The following ETV1 variants were observed in gnomAD, a reference collection of about 807,000 sequenced individuals.
ETV1 encodes the protein ETS translocation variant 1.
Under a neutral mutation model 62.3 loss-of-function variants are expected in ETV1, and 27 were observed. The ratio of observed to expected loss-of-function variants is 0.43; its 90% CI spans 0.32 to 0.60. The LOEUF is 0.60. Among genes scored for constraint, ETV1 ranks in the 20% least tolerant of loss-of-function variants. The probability of loss-of-function intolerance (pLI) is 0.06; values close to 1 mark genes in which losing one functional copy is unlikely to be tolerated. For synonymous variants in ETV1, 222 were observed against 199.6 expected (o/e 1.11, Z -0.94); for missense variants, 605 against 605.8 (o/e 1.00, Z 0.01).
At chr7:13,943,365 T>G (rs1175495321) in intron 6 of ETV1, among the ~76,000 whole-genome samples, 1 of 152,192 alleles carries the variant, frequency 6.6e-6, no homozygotes, top group African/African-American at 2.4e-5. Flanking sequence ...AGATAGACAT[T>G]ATGAAGTTTT....
chr7:13,907,802 G>A (rs1783128071), intron 11 of ETV1: 1 of 470,172 alleles, frequency 2.1e-6, no homozygotes, highest in Admixed American at 2.4e-5. Flanking sequence ...CCTATGGTCA[G>A]TAGAGAGACA....
In ETV1 at chr7:13,984,929, T is replaced by TAAAAAAAA. The variant is rs67286902; in HGVS notation, c.181+1701_181+1708dup. Reference sequence around the variant, plus strand: ...GACACAAAACAAGTAAGTCAAAAGTTAAAAAAAAAGTACTGAAACTGATTA... The same window carrying TAAAAAAAA: ...GACACAAAACAAGTAAGTCAAAAGTTAAAAAAAAAAAAAAAAAGTACTGAAACTGATTA... On this transcript the variant is annotated intron_variant, in intron 5 of 13. Transcript: ENST00000430479. 4.9e-3 allele frequency among the ~76,000 whole-genome samples: 737 copies of TAAAAAAAA among 148,976 alleles called. 9 individuals are homozygous for TAAAAAAAA. Among genetic ancestry groups the TAAAAAAAA allele is most frequent in the African/African-American group, 0.018 (718 of 40,626 alleles).
chr7:13,933,093 T>C (rs1441152863), intron 8 of ETV1, among the ~76,000 whole-genome samples: 1 of 152,192 alleles, frequency 6.6e-6, no homozygotes, highest in East Asian at 1.9e-4. Flanking sequence ...GAAACAGAAA[T>C]TATCATTAAG....
intron 6 of ETV1, among the ~76,000 whole-genome samples, chr7:13,948,459 C>A (rs760868224): frequency 6.6e-6 from 1 of 152,112 alleles, no homozygotes; most frequent in Non-Finnish European, 1.5e-5. Context: ...TTTGAGGTTG[C>A]GTTTTCTGGT....
intron 6 of ETV1, among the ~76,000 whole-genome samples, chr7:13,972,978 T>G (rs552694436): frequency 3.9e-5 from 6 of 152,324 alleles, no homozygotes; most frequent in Non-Finnish European, 8.8e-5. Flanking sequence ...TAGCAATCTA[T>G]AATATACCAT....
intron 6 of ETV1, chr7:13,958,777 T>A (rs1316041163): frequency 6.6e-6 from 1 of 152,194 alleles, no homozygotes; most frequent in Non-Finnish European, 1.5e-5. Flanking sequence ...AAGAAAGAGA[T>A]AATAGTTTCT....
intron 9 of ETV1, among the ~76,000 whole-genome samples, chr7:13,917,856 C>T (rs1385554431): frequency 2.6e-5 from 4 of 151,600 alleles, no homozygotes; most frequent in African/African-American, 4.8e-5. Context: ...CCCAGCTACT[C>T]GGGAGGCTGA....
chr7:13,978,955 G>A (rs1017680764), intron 5 of ETV1, among the ~76,000 whole-genome samples: 7 of 151,816 alleles, frequency 4.6e-5, no homozygotes, highest in East Asian at 1.9e-4. Flanking sequence ...CTCTACCCCC[G>A]CTACCAAACA....
At chr7:13,935,574 T>C (rs1786707859) in intron 8 of ETV1, 134 bp downstream of exon 8, 2 of 670,352 alleles carry the variant, frequency 3.0e-6, no homozygotes. Flanking sequence ...GAGCTCTTTC[T>C]AAAAATATTT....
chr7:13,991,300 T>G (rs553988249), upstream of ETV1: 448 of 152,444 alleles, frequency 2.9e-3, 2 homozygotes, highest in Middle Eastern at 6.7e-3. Flanking sequence ...ACCCAGCGCC[T>G]GTAATCTGAG....
chr7:13,932,694 G>C (rs1786332088), intron 8 of ETV1, among the ~76,000 whole-genome samples: 1 of 152,082 alleles, frequency 6.6e-6, no homozygotes, highest in South Asian at 2.1e-4. Context: ...CAAAGATGTG[G>C]ATTAATTAAA....
At chr7:13,983,125 C>A (rs1207545480) in intron 5 of ETV1, among the ~76,000 whole-genome samples, 2 of 151,910 alleles carry the variant, frequency 1.3e-5, no homozygotes, top group Non-Finnish European at 2.9e-5. Flanking sequence ...GTGGAGGCAG[C>A]ACTAAACTTG....
chr7:13,923,344 T>C (rs922306035), intron 9 of ETV1, among the ~76,000 whole-genome samples: 12 of 152,170 alleles, frequency 7.9e-5, no homozygotes, highest in Non-Finnish European at 1.5e-4. Flanking sequence ...ACTATTTGAT[T>C]AGGATGAGTA....
intron 6 of ETV1, among the ~76,000 whole-genome samples, chr7:13,963,500 G>A (rs1202007871): frequency 6.9e-6 from 1 of 144,494 alleles, no homozygotes; most frequent in African/African-American, 2.6e-5. Context: ...TTGCATTAAG[G>A]TTTTTGAAAA....
intron 5 of ETV1, among the ~76,000 whole-genome samples, chr7:13,979,262 T>C (rs1024676314): frequency 1.8e-4 from 27 of 152,172 alleles, no homozygotes; most frequent in African/African-American, 6.0e-4. Flanking sequence ...TCAAGAAATG[T>C]TCCTTATTTT....
chr7:13,924,842 A>G (rs1785226757), intron 9 of ETV1, among the ~76,000 whole-genome samples: 1 of 152,208 alleles, frequency 6.6e-6, no homozygotes, highest in Non-Finnish European at 1.5e-5. Flanking sequence ...GAACTTCAAG[A>G]GCTTTCATGA....
At chr7:13,933,880 G>C (rs1355846914) in intron 8 of ETV1, among the ~76,000 whole-genome samples, 2 of 152,160 alleles carry the variant, frequency 1.3e-5, no homozygotes, top group Admixed American at 6.5e-5. Flanking sequence ...AAATGAATTT[G>C]GCTAAAGCAT....
intron 5 of ETV1, among the ~76,000 whole-genome samples, chr7:13,979,085 C>A (rs916938892): frequency 1.3e-5 from 2 of 152,058 alleles, no homozygotes; most frequent in African/African-American, 4.8e-5. Flanking sequence ...TGGGTAACAA[C>A]TTCAAAGTTA....
intron 13 of ETV1, among the ~76,000 whole-genome samples, chr7:13,897,611 G>A (rs1435750816): frequency 6.6e-6 from 1 of 152,162 alleles, no homozygotes; most frequent in African/African-American, 2.4e-5. Flanking sequence ...GCAAGGTTGG[G>A]ATGGAAGTCT....
Sources: gnomAD v4.1 joint callset for allele counts (sites outside exome capture counted in the v4.1 genomes callset) on GRCh38, gnomAD v4.1.1 for gene constraint, MANE v1.5 for transcripts, NCBI Gene and HGNC (gene_info 2026-07-23, HGNC 2026-07-21) for gene names.